Variants in PALMD observed in about 807,000 individuals in gnomAD.
PALMD encodes palmdelphin, also known as paralemmin-like protein.
Under a neutral mutation model 56.2 loss-of-function variants are expected in PALMD, and 42 were observed. The ratio of observed to expected loss-of-function variants is 0.75; its 90% CI spans 0.58 to 0.97. The LOEUF is 0.97. Ranked by LOEUF, PALMD falls within the 50% of genes least tolerant of loss-of-function variation. The pLI is 0.00. For synonymous variants in PALMD, 242 were observed against 222.9 expected (o/e 1.09, Z -0.76); for missense variants, 660 against 643.8 (o/e 1.03, Z -0.27).
rs930107077 is a variant in PALMD at position 99,655,227 on chromosome 1, T to G, written c.46-7092T>G. On this transcript the variant is annotated intron_variant, in intron 1 of 7. Coordinates refer to ENST00000263174, the MANE Select transcript of PALMD (RefSeq NM_017734.5). Reference sequence around the variant, plus strand: ...GCATCTATGATGAATCAAAATAAATTCAGCTGAATTATGGTCATTTTTTAA... The same window carrying G: ...GCATCTATGATGAATCAAAATAAATGCAGCTGAATTATGGTCATTTTTTAA... 4.6e-5 allele frequency among the ~76,000 whole-genome samples: 7 copies of G among 152,044 alleles called. No homozygotes were observed. In the South Asian group the frequency reaches 6.2e-4, roughly 14 times the overall value.
intron 2 of PALMD, among the ~76,000 whole-genome samples, chr1:99,662,744 C>T (rs1024819514): frequency 6.6e-6 from 1 of 152,138 alleles, no homozygotes. Context: ...CTAGGAAGTG[C>T]CTTTTGAAAT....
At chr1:99,653,548 T>C (rs768613843) in intron 1 of PALMD, among the ~76,000 whole-genome samples, 14 of 152,172 alleles carry the variant, frequency 9.2e-5, no homozygotes, top group Non-Finnish European at 1.8e-4. Flanking sequence ...CCATAAATAG[T>C]AGTGATAACC....
At chr1:99,689,998 A>G in intron 7 of PALMD, 126 bp downstream of exon 7, 1 of 738,050 alleles carries the variant, frequency 1.4e-6, no homozygotes, top group South Asian at 2.1e-5. Flanking sequence ...AGATTTTTTT[A>G]TTAATGCTGA....
intron 1 of PALMD, among the ~76,000 whole-genome samples, chr1:99,661,139 C>T (rs1310907667): frequency 2.0e-5 from 3 of 152,176 alleles, no homozygotes; most frequent in Non-Finnish European, 2.9e-5. Flanking sequence ...ATTACCTTTA[C>T]AGCTTACTTC....
chr1:99,667,879 T>C (rs1475868403), intron 3 of PALMD, 113 bp downstream of exon 3: 7 of 1,045,944 alleles, frequency 6.7e-6, no homozygotes, highest in Non-Finnish European at 9.8e-6. Flanking sequence ...TCCATTTGAA[T>C]TTCTTTTTTT....
chr1:99,676,392 T>C (rs985925907), intron 3 of PALMD, among the ~76,000 whole-genome samples: 2 of 152,188 alleles, frequency 1.3e-5, no homozygotes, highest in Admixed American at 6.5e-5. Flanking sequence ...GATACGCACT[T>C]TTTAAAAATT....
intron 7 of PALMD, among the ~76,000 whole-genome samples, chr1:99,693,778 T>C (rs1454517692): frequency 1.3e-5 from 2 of 152,206 alleles, no homozygotes; most frequent in Admixed American, 6.5e-5. Context: ...TACTGTTTGC[T>C]CTACTAATTT....
rs761679380 is a variant in PALMD at position 99,689,654 on chromosome 1, C to A, written c.1394C>A (p.Pro465His). The change falls in exon 7 of 8, where the codon CCC (proline) becomes CAC (histidine). Residue 465 changes from proline to histidine, a missense_variant. Pro to His is a moderately conservative substitution (Grantham distance 77). Transcript: ENST00000263174. ...EGEAEKPSYH[P>H]IAPHSQVYQP... The stretch of plus-strand genomic sequence containing the variant: ...GAAGCAGAGAAACCGTCCTACCACC[C>A]CATAGCTCCCCATAGTCAGGTGTAC... 6 of 1,613,626 alleles carry A rather than the reference C, an allele frequency of 3.7e-6. No individual in the cohort carries two copies. In the East Asian group the frequency reaches 8.9e-5, roughly 24 times the overall value.
In PALMD at chr1:99,646,142, G is replaced by T; in HGVS notation, c.-176G>T. 1.6e-6 allele frequency: 1 copy of T among 617,286 alleles called. No individual in the cohort carries two copies. 38.2% of individuals were successfully genotyped at this position (617,286 alleles called of 1,614,324 possible). A position where few individuals can be genotyped will look rare whatever the true frequency, so the allele number is the denominator to read the frequency against. ...CATGTGTCTGTCTGGCCTGATCTGT[G>T]CATCTGCTCGGAGACGCTCCTGACA... On this transcript the variant is annotated 5_prime_UTR_variant, in exon 1 of 8. Coordinates refer to ENST00000263174, the MANE Select transcript of PALMD (RefSeq NM_017734.5).
intron 3 of PALMD, among the ~76,000 whole-genome samples, chr1:99,679,012 G>T (rs947391846): frequency 1.3e-5 from 2 of 151,990 alleles, no homozygotes; most frequent in Non-Finnish European, 2.9e-5. Context: ...GGAATGTTGG[G>T]GGTGGGGGTT....
intron 3 of PALMD, chr1:99,684,960 T>C (rs371518400): frequency 6.6e-6 from 1 of 152,232 alleles, no homozygotes; most frequent in Admixed American, 6.5e-5. Context: ...GATTTGAACC[T>C]TCTTGTTTTC....
chr1:99,667,792 C>T (rs149315415), intron 3 of PALMD, 26 bp downstream of exon 3: 3 of 1,601,886 alleles, frequency 1.9e-6, no homozygotes, highest in East Asian at 2.2e-5. Context: ...AGATACTCCA[C>T]AACTACCTTT....
In PALMD at chr1:99,647,922, T is replaced by C. The variant is rs778856767; in HGVS notation, c.45+1560T>C. Among the ~76,000 whole-genome samples, 30 of 152,218 alleles carry C rather than the reference T, an allele frequency of 2.0e-4. 1 individual carries two copies. The highest frequency in any genetic ancestry group is 1.1e-3 in the Admixed American group (17 of 15,280). On this transcript the variant is annotated intron_variant, in intron 1 of 7. Transcript: ENST00000263174. ...GCCACACATGTTCCAAAGATATGGCTGTATACAGTTATTTCTAAGGCTAGG... is the reference window on the plus strand; with the variant it reads ...GCCACACATGTTCCAAAGATATGGCCGTATACAGTTATTTCTAAGGCTAGG...
Position 99,689,484 on chromosome 1 carries a change from T to C in PALMD, c.1224T>C (p.Asn408=). The part of the protein sequence containing the change: ...NIVHSLPPDI[N]DTEPVTMIFM... ...TTCATTCCCTGCCTCCAGACATAAA[T>C]GATACAGAACCGGTGACAATGATTT... The change falls in exon 7 of 8, where the codon AAT becomes AAC. Residue 408 remains asparagine, a synonymous_variant. Transcript: ENST00000263174. 2 of 1,613,784 alleles carry C rather than the reference T, an allele frequency of 1.2e-6. No individual in the cohort carries two copies. Among genetic ancestry groups the C allele is most frequent in the Non-Finnish European group, 1.7e-6 (2 of 1,179,868 alleles).
chr1:99,661,234 T>C (rs1201746131), intron 1 of PALMD, among the ~76,000 whole-genome samples: 1 of 152,154 alleles, frequency 6.6e-6, no homozygotes, highest in Non-Finnish European at 1.5e-5. Flanking sequence ...CACTTATGAA[T>C]AAGATGGAGA....
chr1:99,683,094 GAAAGAA>G (rs1557673934), intron 3 of PALMD, among the ~76,000 whole-genome samples: 56 of 49,828 alleles, frequency 1.1e-3, no homozygotes, highest in East Asian at 3.6e-3. Context: ...GAGAGAGAAA[GAAAGAA>G]AGAAAGAAAG....
At chr1:99,680,246 G>A (rs986317363) in intron 3 of PALMD, among the ~76,000 whole-genome samples, 5 of 152,164 alleles carry the variant, frequency 3.3e-5, no homozygotes, top group African/African-American at 1.2e-4. Context: ...TTGGATTGGA[G>A]ACATTATCTC....
Position 99,667,683 on chromosome 1 carries a change from C to G in PALMD, c.168C>G (p.Ser56Arg), listed in dbSNP as rs148254715. 1 of 1,612,540 alleles carries G rather than the reference C, an allele frequency of 6.2e-7. No homozygotes were observed. Among genetic ancestry groups the G allele is most frequent in the Non-Finnish European group, 8.5e-7 (1 of 1,178,776 alleles). Residue 56 changes from serine (S) to arginine (R), a missense_variant, in exon 3 of 8, where the codon AGC (serine) becomes AGG (arginine). Coordinates refer to ENST00000263174, the MANE Select transcript of PALMD (RefSeq NM_017734.5). ...AGAAATGGCTTCTAGATGGAATCAG[C>G]AGCGGAAAAGAACAGGAAGAGATGA... The part of the protein sequence containing the change: ...LREKWLLDGI[S>R]SGKEQEEMKK...
intron 3 of PALMD, among the ~76,000 whole-genome samples, chr1:99,676,325 T>A (rs964126002): frequency 1.3e-5 from 2 of 152,220 alleles, no homozygotes; most frequent in African/African-American, 2.4e-5. Flanking sequence ...CCAGCCATAT[T>A]GGATAGTTTT....
Sources: allele counts gnomAD v4.1 joint callset (sites outside exome capture counted in the v4.1 genomes callset), GRCh38; gene constraint gnomAD v4.1.1; transcripts MANE v1.5; gene names NCBI Gene and HGNC (gene_info 2026-07-23, HGNC 2026-07-21).